The following RABGAP1L variants were observed in gnomAD, a reference collection of about 807,000 sequenced individuals.
RABGAP1L encodes the protein rab GTPase-activating protein 1-like.
In RABGAP1L, 63 loss-of-function variants were observed where a neutral mutation model predicts 137.7. The observed-to-expected ratio is 0.46, with a 90% CI of 0.37 to 0.56. RABGAP1L has a LOEUF of 0.56. Among genes scored for constraint, RABGAP1L ranks in the 20% least tolerant of loss-of-function variants. RABGAP1L has a pLI of 0.00. For missense variants in RABGAP1L, 1,095 were observed against 1,244.0 expected (o/e 0.88, Z 1.80); for synonymous variants, 431 against 433.7 (o/e 0.99, Z 0.08).
chr1:174,336,611 A>T (rs901676109), intron 11 of RABGAP1L, among the ~76,000 whole-genome samples: 1 of 152,116 alleles, frequency 6.6e-6, no homozygotes, highest in Non-Finnish European at 1.5e-5. Flanking sequence ...TTTATAGGTC[A>T]GGGGTAGGGC....
chr1:174,629,368 T>C (rs75312032), intron 13 of RABGAP1L, among the ~76,000 whole-genome samples: 1 of 152,174 alleles, frequency 6.6e-6, no homozygotes, highest in South Asian at 2.1e-4. Context: ...CCTTTACTTA[T>C]ATGAGATGGA....
chr1:174,728,414 A>C (rs1431818077), intron 17 of RABGAP1L, among the ~76,000 whole-genome samples: 1 of 152,168 alleles, frequency 6.6e-6, no homozygotes, highest in East Asian at 1.9e-4. Flanking sequence ...CATCTAACCA[A>C]GGAAGTGAAA....
chr1:174,429,791 A>T, intron 13 of RABGAP1L, among the ~76,000 whole-genome samples: 1 of 151,876 alleles, frequency 6.6e-6, no homozygotes, highest in Non-Finnish European at 1.5e-5. Flanking sequence ...ATTTAGGGGG[A>T]AACAAAGGAG....
At chr1:174,583,992 C>T (rs1052669078) in intron 13 of RABGAP1L, among the ~76,000 whole-genome samples, 6 of 152,038 alleles carry the variant, frequency 3.9e-5, no homozygotes, top group Non-Finnish European at 8.8e-5. Context: ...CTTTAAAACC[C>T]GAGTTTTTTT....
chr1:174,250,125 A>T (rs1308777738), intron 5 of RABGAP1L, among the ~76,000 whole-genome samples: 1 of 152,148 alleles, frequency 6.6e-6, no homozygotes, highest in Non-Finnish European at 1.5e-5. Context: ...CCCCATTATT[A>T]ATTTCAAAGT....
Position 174,305,045 on chromosome 1 carries a change from G to C in RABGAP1L, c.1383G>C (p.Gln461His). 1 of 1,563,656 alleles carries C rather than the reference G, an allele frequency of 6.4e-7. No individual in the cohort carries two copies. Among genetic ancestry groups the C allele is most frequent in the Non-Finnish European group, 8.6e-7 (1 of 1,159,650 alleles). The change falls in exon 11 of 26, where the codon CAG (glutamine) becomes CAC (histidine). Residue 461 changes from glutamine to histidine, a missense_variant. Transcript: ENST00000681986. ...CAATATATGAGGTGGTGAGTCTACAGCGAGAGTCTGACAAGGAGGAACCAG... is the reference window on the plus strand; with the variant it reads ...CAATATATGAGGTGGTGAGTCTACACCGAGAGTCTGACAAGGAGGAACCAG... ...GDAIYEVVSL[Q>H]RESDKEEPVT...
At chr1:174,575,129 C>G (rs1235289152) in intron 13 of RABGAP1L, among the ~76,000 whole-genome samples, 1 of 152,148 alleles carries the variant, frequency 6.6e-6, no homozygotes, top group Non-Finnish European at 1.5e-5. Context: ...GGGGTTTCTC[C>G]ATGTTAGTCA....
chr1:174,431,626 A>G (rs962513174), intron 13 of RABGAP1L, among the ~76,000 whole-genome samples: 1 of 152,186 alleles, frequency 6.6e-6, no homozygotes, highest in Non-Finnish European at 1.5e-5. Context: ...AAGGACAGCA[A>G]ATTAGAACAG....
At chr1:174,757,065 G>GCTTTTCCC in intron 18 of RABGAP1L, 1 of 532,118 alleles carries the variant, frequency 1.9e-6, no homozygotes, top group Non-Finnish European at 3.7e-6. Context: ...CTCCCTACTG[G>GCTTTTCCC]CTTTTCCCCC....
intron 7 of RABGAP1L, among the ~76,000 whole-genome samples, chr1:174,257,443 A>G (rs1308192132): frequency 6.6e-6 from 1 of 152,206 alleles, no homozygotes; most frequent in Non-Finnish European, 1.5e-5. Context: ...CTAATTATAT[A>G]TATGTTCTTT....
intron 13 of RABGAP1L, among the ~76,000 whole-genome samples, chr1:174,599,795 C>G (rs1670275019): frequency 6.6e-6 from 1 of 152,036 alleles, no homozygotes; most frequent in Non-Finnish European, 1.5e-5. Flanking sequence ...ATTGAATGCC[C>G]TGAGGTAGTC....
intron 17 of RABGAP1L, among the ~76,000 whole-genome samples, chr1:174,726,127 T>A (rs1219685415): frequency 6.6e-6 from 1 of 152,164 alleles, no homozygotes; most frequent in African/African-American, 2.4e-5. Context: ...ATAGTAATTA[T>A]TTTATGGTCC....
chr1:174,657,336 A>G (rs1676039432), intron 14 of RABGAP1L, among the ~76,000 whole-genome samples: 1 of 152,146 alleles, frequency 6.6e-6, no homozygotes, highest in South Asian at 2.1e-4. Flanking sequence ...AGAACACTAG[A>G]ACTTATTTCT....
In RABGAP1L at chr1:174,272,286, GAAAA is replaced by G. The variant is rs889509555; in HGVS notation, c.987-123_987-120del. ...TAAATACTTATTTCTGGTGTTTTTA[GAAAA>G]AAAACTAAAGCTTATAAATACAGAG... On this transcript the variant is annotated intron_variant, in intron 7 of 25. Coordinates refer to ENST00000681986, the MANE Select transcript of RABGAP1L (RefSeq NM_001366446.1). 4.5e-6 allele frequency: 4 copies of G among 892,296 alleles called. No homozygotes were observed. In the South Asian group the frequency reaches 7.6e-5, roughly 17 times the overall value. 55.3% of individuals were successfully genotyped at this position (892,296 alleles called of 1,614,324 possible).
intron 14 of RABGAP1L, among the ~76,000 whole-genome samples, chr1:174,679,797 G>A (rs555567409): frequency 6.6e-6 from 1 of 152,184 alleles, no homozygotes; most frequent in Non-Finnish European, 1.5e-5. Flanking sequence ...TCAAAATCAC[G>A]GTAGGCATTT....
At chr1:174,353,700 G>A (rs1053602023) in intron 11 of RABGAP1L, among the ~76,000 whole-genome samples, 12 of 152,216 alleles carry the variant, frequency 7.9e-5, no homozygotes, top group African/African-American at 2.9e-4. Context: ...TAGGGCAGCA[G>A]TGAGTTCCAA....
Position 174,250,493 on chromosome 1 carries a change from A to G in RABGAP1L, c.736A>G (p.Ser246Gly). The G allele has an allele frequency of 6.2e-7, 1 of 1,603,266 alleles. No individual in the cohort carries two copies. Among genetic ancestry groups the G allele is most frequent in the Non-Finnish European group, 8.5e-7 (1 of 1,174,740 alleles). ...IKEAVSRILYSFCTAFKRSSR... is the reference protein window; with the variant it reads ...IKEAVSRILYGFCTAFKRSSR... Reference sequence around the variant, plus strand: ...CTTTTAGGTAAGCAGAATTTTGTACAGTTTCTGTACAGCATTCAAACGTTC... The same window carrying G: ...CTTTTAGGTAAGCAGAATTTTGTACGGTTTCTGTACAGCATTCAAACGTTC... Residue 246 changes from serine (S) to glycine (G), a missense_variant, in exon 6 of 26, where the codon AGT becomes GGT. Ser to Gly is a moderately conservative substitution (Grantham distance 56, BLOSUM62 0). Transcript: ENST00000681986.
At chr1:174,352,257 C>CT (rs1045375585) in intron 11 of RABGAP1L, among the ~76,000 whole-genome samples, 1 of 151,858 alleles carries the variant, frequency 6.6e-6, no homozygotes, top group East Asian at 1.9e-4. Context: ...CTTTTTTATT[C>CT]TTTTTTTCTT....
chr1:174,524,201 G>T (rs1157385811), intron 13 of RABGAP1L, among the ~76,000 whole-genome samples: 3 of 147,110 alleles, frequency 2.0e-5, no homozygotes, highest in Non-Finnish European at 4.6e-5. Context: ...TGTTGTTGTT[G>T]TTGTTGTTTT....
Sources: gnomAD v4.1 joint callset for allele counts (sites outside exome capture counted in the v4.1 genomes callset) on GRCh38, gnomAD v4.1.1 for gene constraint, MANE v1.5 for transcripts, NCBI Gene and HGNC (gene_info 2026-07-23, HGNC 2026-07-21) for gene names.